BCAS3: variants seen among roughly 807,000 people sequenced by gnomAD.
BCAS3 encodes BCAS3 microtubule associated cell migration factor, also known as BCAS4/BCAS3 fusion.
A neutral mutation model predicts 116.1 loss-of-function variants in BCAS3; 53 were observed. The ratio of observed to expected loss-of-function variants is 0.46; its 90% CI spans 0.37 to 0.57. BCAS3 has a LOEUF of 0.57. Ranked by LOEUF, BCAS3 falls within the 20% of genes least tolerant of loss-of-function variation. The probability of loss-of-function intolerance (pLI) is 0.00; values close to 1 mark genes in which losing one functional copy is unlikely to be tolerated. For missense variants in BCAS3, 917 were observed against 1,165.4 expected (o/e 0.79, Z 3.10); for synonymous variants, 391 against 408.2 (o/e 0.96, Z 0.51).
At chr17:61,110,857 T>A (rs1416525571) in intron 22 of BCAS3, among the ~76,000 whole-genome samples, 57 of 151,036 alleles carry the variant, frequency 3.8e-4, no homozygotes, top group African/African-American at 1.0e-3. Flanking sequence ...GACAGCTTTG[T>A]AGAGAGCAGT....
At chr17:60,989,173 A>G (rs2063364496) in intron 14 of BCAS3, among the ~76,000 whole-genome samples, 1 of 152,148 alleles carries the variant, frequency 6.6e-6, no homozygotes, top group African/African-American at 2.4e-5. Context: ...GTGGAAAATT[A>G]ATTTAGTCAG....
intron 15 of BCAS3, among the ~76,000 whole-genome samples, chr17:60,992,802 A>T (rs2063612575): frequency 6.6e-6 from 1 of 152,234 alleles, no homozygotes; most frequent in South Asian, 2.1e-4. Context: ...AGACTTAGTT[A>T]CATTTTTTGG....
rs371967247 is a variant in BCAS3, at chr17:61,344,954, C to T, written c.2426-23373C>T. ...ACACATACACACACACACACGCACA[C>T]CCCTCACAGAAAAATAGCCACTCTG... is the stretch of plus-strand genomic sequence containing the variant. On this transcript the variant is annotated intron_variant, in intron 22 of 23. Transcript: ENST00000407086. This position sits in a 1 kb window ranked among gnomAD's most constrained non-coding sequence, Gnocchi z 4.1. 9.9e-5 allele frequency among the ~76,000 whole-genome samples: 15 copies of T among 152,026 alleles called. No individual in the cohort carries two copies. Among genetic ancestry groups the T allele is most frequent in the African/African-American group, 3.1e-4 (13 of 41,380 alleles).
chr17:61,191,244 T>C (rs2080094223), intron 22 of BCAS3, among the ~76,000 whole-genome samples: 1 of 151,952 alleles, frequency 6.6e-6, no homozygotes, highest in South Asian at 2.1e-4. Context: ...CCAACCTGGG[T>C]GCCAGAGTGA....
At chr17:60,718,325 T>G (rs1008370047) in intron 5 of BCAS3, among the ~76,000 whole-genome samples, 1 of 152,178 alleles carries the variant, frequency 6.6e-6, no homozygotes, top group African/African-American at 2.4e-5. Context: ...CCTACTGTAC[T>G]TTGTCTCACA....
At chr17:60,796,355 C>G (rs1476967991) in intron 6 of BCAS3, among the ~76,000 whole-genome samples, 1 of 152,102 alleles carries the variant, frequency 6.6e-6, no homozygotes, top group East Asian at 1.9e-4. Flanking sequence ...CCGTCTGGTC[C>G]TGGACTTTTT....
intron 22 of BCAS3, among the ~76,000 whole-genome samples, chr17:61,127,046 AAG>A (rs1343037889): frequency 6.6e-6 from 1 of 152,172 alleles, no homozygotes; most frequent in Non-Finnish European, 1.5e-5. Context: ...CAAAAGAAAA[AAG>A]AGAGAAAAAA....
At chr17:60,701,905 T>G (rs1598152619) in intron 4 of BCAS3, among the ~76,000 whole-genome samples, 1 of 150,662 alleles carries the variant, frequency 6.6e-6, no homozygotes, top group Non-Finnish European at 1.5e-5. Context: ...GCCCAGGAGG[T>G]GGAGGTTGCA....
chr17:60,702,725 G>GCGTGTGCCT (rs2036576685), intron 4 of BCAS3, among the ~76,000 whole-genome samples: 1 of 152,108 alleles, frequency 6.6e-6, no homozygotes, highest in Non-Finnish European at 1.5e-5. Flanking sequence ...AAGTAACTGG[G>GCGTGTGCCT]ACTGTAGGCG....
In BCAS3 at chr17:61,368,228, TG is replaced by T; in HGVS notation, c.2426-97del. ...CTTCCATCCTACAGGAAGGCTACAA[TG>T]GACCCTGGGTATGGAGAGGAGCGGG... On this transcript the variant is annotated intron_variant, in intron 22 of 23. Coordinates refer to ENST00000407086, the MANE Select transcript of BCAS3 (RefSeq NM_017679.5). The surrounding 1 kb of genome is among the most constrained non-coding windows in gnomAD (Gnocchi z 6.0). 7.5e-7 allele frequency: 1 copy of T among 1,324,578 alleles called. No homozygotes were observed. The highest frequency in any genetic ancestry group is 1.0e-6 in the Non-Finnish European group (1 of 968,470). The allele number at this position is 1,324,578 out of a possible 1,614,324, so 82.1% of individuals were successfully genotyped here.
rs1244658876 is a variant in BCAS3 at position 61,315,011 on chromosome 17, A to G, written c.2426-53316A>G. The stretch of plus-strand genomic sequence containing the variant: ...TTGTCTGATGTTGGAACTCCTCTTC[A>G]CCCATCCGAGGAACAGTGTGCCTGG... On this transcript the variant is annotated intron_variant, in intron 22 of 23. Coordinates refer to ENST00000407086, the MANE Select transcript of BCAS3 (RefSeq NM_017679.5). The surrounding 1 kb of genome is among the most constrained non-coding windows in gnomAD (Gnocchi z 5.3). 1.3e-5 allele frequency among the ~76,000 whole-genome samples: 2 copies of G among 152,032 alleles called. No individual in the cohort carries two copies. Among genetic ancestry groups the G allele is most frequent in the African/African-American group, 4.8e-5 (2 of 41,406 alleles).
In BCAS3 at chr17:61,095,745, G is replaced by A. The variant is rs2073924831; in HGVS notation, c.2425+11181G>A. 6.6e-6 allele frequency among the ~76,000 whole-genome samples: 1 copy of A among 151,922 alleles called. No homozygotes were observed. Among genetic ancestry groups the A allele is most frequent in the South Asian group, 2.1e-4 (1 of 4,810 alleles). On this transcript the variant is annotated intron_variant, in intron 22 of 23. Coordinates refer to ENST00000407086, the MANE Select transcript of BCAS3 (RefSeq NM_017679.5). This position sits in a 1 kb window ranked among gnomAD's most constrained non-coding sequence, Gnocchi z 4.7. ...GCTTCCCAAAGTGCTGGGATTACAG[G>A]TATTAGCCACCGCACCTGACTGGGG...
intron 19 of BCAS3, among the ~76,000 whole-genome samples, chr17:61,060,638 T>C (rs971068062): frequency 6.6e-5 from 10 of 152,232 alleles, no homozygotes; most frequent in South Asian, 2.1e-4. Flanking sequence ...TTCAATCTTT[T>C]GAAACATTCA....
At chr17:60,978,972 C>A (rs1324677627) in intron 14 of BCAS3, among the ~76,000 whole-genome samples, 4 of 139,736 alleles carry the variant, frequency 2.9e-5, no homozygotes, top group Admixed American at 1.5e-4. Context: ...CTTAGGATTG[C>A]CTTGGCGATG....
At chr17:60,846,190 A>T (rs2052517410) in intron 7 of BCAS3, among the ~76,000 whole-genome samples, 1 of 152,126 alleles carries the variant, frequency 6.6e-6, no homozygotes, top group African/African-American at 2.4e-5. Context: ...TTGATCTCCC[A>T]AAGTGTTGGG....
chr17:61,182,005 C>T (rs905899126), intron 22 of BCAS3, among the ~76,000 whole-genome samples: 1 of 151,908 alleles, frequency 6.6e-6, no homozygotes, highest in Non-Finnish European at 1.5e-5. Context: ...TGCCTTGTAG[C>T]TGGGACTACA....
intron 6 of BCAS3, among the ~76,000 whole-genome samples, chr17:60,778,775 T>G (rs568938982): frequency 3.3e-4 from 51 of 152,340 alleles, no homozygotes; most frequent in South Asian, 6.2e-4. Flanking sequence ...ACATCTACCA[T>G]GTAAAAAGAT....
chr17:61,369,761 A>AT, intron 23 of BCAS3, among the ~76,000 whole-genome samples: 1 of 152,220 alleles, frequency 6.6e-6, no homozygotes, highest in East Asian at 1.9e-4. Context: ...GCATGTCATC[A>AT]TGCCACTGTT....
At chr17:61,284,970 T>A (rs954765022) in intron 22 of BCAS3, among the ~76,000 whole-genome samples, 1 of 152,204 alleles carries the variant, frequency 6.6e-6, no homozygotes, top group Admixed American at 6.5e-5. Flanking sequence ...TTCAAGCAAG[T>A]GTCATCAAGG....
Sources: allele counts gnomAD v4.1 joint callset (sites outside exome capture counted in the v4.1 genomes callset), GRCh38; gene constraint gnomAD v4.1.1; non-coding constraint Gnocchi (gnomAD v3.1); transcripts MANE v1.5; gene names NCBI Gene and HGNC (gene_info 2026-07-23, HGNC 2026-07-21).